The following RIMS1 variants were observed in gnomAD, a reference collection of about 807,000 sequenced individuals.
RIMS1 encodes regulating synaptic membrane exocytosis protein 1.
In RIMS1, 83 loss-of-function variants were observed where a neutral mutation model predicts 214.1. The ratio of observed to expected loss-of-function variants is 0.39; its 90% CI spans 0.32 to 0.47. The LOEUF (loss-of-function observed/expected upper bound fraction) is 0.47, where lower values mean the gene tolerates loss of function less well. Ranked by LOEUF, RIMS1 falls within the 20% of genes least tolerant of loss-of-function variation. The pLI is 0.99. For missense variants in RIMS1, 2,050 were observed against 2,161.8 expected, an observed-to-expected ratio of 0.95 and a Z score of 1.03; for synonymous variants, 793 against 786.8, an observed-to-expected ratio of 1.01 and a Z score of -0.13.
chr6:72,194,876 A>G (rs1368457312), intron 6 of RIMS1, among the ~76,000 whole-genome samples: 2 of 152,198 alleles, frequency 1.3e-5, no homozygotes, highest in Admixed American at 1.3e-4. Context: ...CAGGTGAGAA[A>G]AATTGGGCAT....
intron 2 of RIMS1, among the ~76,000 whole-genome samples, chr6:72,041,082 A>G (rs2152082587): frequency 6.6e-6 from 1 of 152,036 alleles, no homozygotes; most frequent in South Asian, 2.1e-4. Context: ...GTGTGCTTAT[A>G]TGTGTATGTG....
intron 6 of RIMS1, among the ~76,000 whole-genome samples, chr6:72,221,293 T>A (rs113269448): frequency 1.4e-5 from 2 of 138,204 alleles, no homozygotes; most frequent in Admixed American, 7.2e-5. Context: ...CTGGGGTGAG[T>A]GTGTGTGTGT....
rs539745517 is a variant in RIMS1 at position 72,208,117 on chromosome 6, C to T, written c.1678+24968C>T. Among the ~76,000 whole-genome samples, 4 of 152,150 alleles carry T rather than the reference C, an allele frequency of 2.6e-5. No individual in the cohort carries two copies. The South Asian group carries it at 6.2e-4, about 24-fold the overall frequency. On this transcript the variant is annotated intron_variant, in intron 6 of 33. Transcript: ENST00000521978. ...ACCAGGACACTCAGAGTGCTTTCTC[C>T]GTAATGAAAGAAGGATGAATATAAA...
chr6:72,052,214 G>T (rs1824902622), intron 2 of RIMS1, among the ~76,000 whole-genome samples: 2 of 152,160 alleles, frequency 1.3e-5, no homozygotes, highest in South Asian at 4.1e-4. Flanking sequence ...AGAGGGATTT[G>T]AAGCTCCTCC....
intron 2 of RIMS1, among the ~76,000 whole-genome samples, chr6:72,066,789 A>G (rs1239491920): frequency 6.6e-6 from 1 of 152,124 alleles, no homozygotes; most frequent in East Asian, 1.9e-4. Context: ...CTTAATCTAG[A>G]TGCTACTCTT....
intron 2 of RIMS1, among the ~76,000 whole-genome samples, chr6:72,032,218 A>G (rs1294640665): frequency 6.6e-6 from 1 of 151,986 alleles, no homozygotes; most frequent in Non-Finnish European, 1.5e-5. Flanking sequence ...GGCCTTAGAA[A>G]CAATGAATCA....
chr6:72,312,894 C>T (rs1297269051), intron 27 of RIMS1, among the ~76,000 whole-genome samples: 5 of 151,938 alleles, frequency 3.3e-5, no homozygotes, highest in Non-Finnish European at 7.4e-5. Context: ...GTCAAGTATC[C>T]CTTACCCAAA....
At chr6:71,949,589 T>C (rs1378544395) in intron 1 of RIMS1, among the ~76,000 whole-genome samples, 1 of 152,110 alleles carries the variant, frequency 6.6e-6, no homozygotes, top group African/African-American at 2.4e-5. Flanking sequence ...CACAGACATA[T>C]AGGAAAAATG....
intron 2 of RIMS1, among the ~76,000 whole-genome samples, chr6:72,025,612 G>A (rs1816189031): frequency 6.6e-6 from 1 of 152,146 alleles, no homozygotes; most frequent in Non-Finnish European, 1.5e-5. Context: ...ATTTTGTCTA[G>A]TAGAACTCCC....
intron 4 of RIMS1, among the ~76,000 whole-genome samples, chr6:72,171,597 T>A (rs1044702323): frequency 1.3e-5 from 2 of 152,168 alleles, no homozygotes; most frequent in African/African-American, 4.8e-5. Flanking sequence ...AGATAGGAAC[T>A]ATTATTACCC....
chr6:72,067,376 CCTTTGTA>C (rs1562241244), intron 2 of RIMS1, among the ~76,000 whole-genome samples: 1 of 152,186 alleles, frequency 6.6e-6, no homozygotes. Context: ...TCCCTCAGTG[CCTTTGTA>C]CTTGCTATTC....
intron 4 of RIMS1, among the ~76,000 whole-genome samples, chr6:72,120,672 C>A (rs1290661473): frequency 2.6e-5 from 4 of 151,794 alleles, no homozygotes; most frequent in Admixed American, 2.6e-4. Context: ...TCCCATTTGT[C>A]TATTTTGGCT....
chr6:72,100,075 C>A (rs41265491), intron 4 of RIMS1, 89 bp downstream of exon 4: 406 of 1,018,534 alleles, frequency 4.0e-4, no homozygotes, highest in Admixed American at 1.7e-3. Flanking sequence ...TTGTTAATAA[C>A]TATATTTCAC....
intron 29 of RIMS1, among the ~76,000 whole-genome samples, chr6:72,356,954 A>G (rs1317152817): frequency 6.6e-6 from 1 of 152,174 alleles, no homozygotes. Context: ...TATGAATATA[A>G]TTCAAAATTT....
chr6:72,352,951 A>ATTAAGTCAT (rs1327875297), intron 29 of RIMS1, among the ~76,000 whole-genome samples: 1 of 149,556 alleles, frequency 6.7e-6, no homozygotes, highest in Non-Finnish European at 1.5e-5. Context: ...ATTATAAATA[A>ATTAAGTCAT]TTAAGTCATT....
intron 4 of RIMS1, among the ~76,000 whole-genome samples, chr6:72,174,778 G>A (rs1319266721): frequency 1.3e-5 from 2 of 152,106 alleles, no homozygotes; most frequent in African/African-American, 2.4e-5. Flanking sequence ...ATAGAAAATT[G>A]TATTAAAATG....
chr6:72,178,675 C>A (rs766613080), intron 4 of RIMS1, among the ~76,000 whole-genome samples: 10 of 152,216 alleles, frequency 6.6e-5, no homozygotes, highest in Non-Finnish European at 5.9e-5. Flanking sequence ...TTTGAAAAGA[C>A]AGCTCATGGA....
chr6:72,149,701 C>A (rs1438735674), intron 4 of RIMS1, among the ~76,000 whole-genome samples: 3 of 152,230 alleles, frequency 2.0e-5, no homozygotes, highest in African/African-American at 7.2e-5. Flanking sequence ...CACTCACCCT[C>A]TGACAATCCT....
chr6:71,887,288 G>A, intron 1 of RIMS1, 101 bp downstream of exon 1: 2 of 1,466,888 alleles, frequency 1.4e-6, no homozygotes, highest in South Asian at 1.3e-5. Flanking sequence ...GGAAGGGGCT[G>A]CCAGGGTGCT....
Sources: gnomAD v4.1 joint callset for allele counts (sites outside exome capture counted in the v4.1 genomes callset) on GRCh38, gnomAD v4.1.1 for gene constraint, MANE v1.5 for transcripts, NCBI Gene and HGNC (gene_info 2026-07-23, HGNC 2026-07-21) for gene names.